The following CSMD2 variants were observed in gnomAD, a reference collection of about 807,000 sequenced individuals.
CSMD2 encodes the protein CUB and sushi domain-containing protein 2.
In CSMD2, 130 loss-of-function variants were observed where a neutral mutation model predicts 398.5. The ratio of observed to expected loss-of-function variants is 0.33; its 90% CI spans 0.28 to 0.38. CSMD2 has a LOEUF of 0.38. Ranked by LOEUF, CSMD2 falls within the 10% of genes least tolerant of loss-of-function variation. The probability of loss-of-function intolerance (pLI) is 1.00; values close to 1 mark genes in which losing one functional copy is unlikely to be tolerated. For missense variants in CSMD2, 3,829 were observed against 4,764.9 expected (o/e 0.80, Z 5.78); for synonymous variants, 1,828 against 1,908.5 (o/e 0.96, Z 1.10).
At chr1:33,528,235 C>T (rs1654955928) in intron 64 of CSMD2, among the ~76,000 whole-genome samples, 1 of 152,228 alleles carries the variant, frequency 6.6e-6, no homozygotes, top group South Asian at 2.1e-4. Flanking sequence ...GTCTTTGCCT[C>T]CTCATTTGAA....
intron 1 of CSMD2, among the ~76,000 whole-genome samples, chr1:34,128,052 C>G (rs1212815890): frequency 6.6e-6 from 1 of 152,154 alleles, no homozygotes; most frequent in Non-Finnish European, 1.5e-5. Context: ...GGGAAGTGGC[C>G]TCTTCCTCCA....
chr1:33,609,484 G>A lies in CSMD2; in HGVS notation c.6343+1557C>T, dbSNP rs536378840. ...TACATATTTTTCACAGGTACATGTA[G>A]CATACATATATCCAGGCCTGGAAAG... On this transcript the variant is annotated intron_variant, in intron 41 of 70. Transcript: ENST00000373381. 2.8e-4 allele frequency among the ~76,000 whole-genome samples: 43 copies of A among 152,292 alleles called. No homozygotes were observed. In the South Asian group the frequency reaches 8.9e-3, roughly 32 times the overall value.
At chr1:33,833,363 A>G (rs1252945621) in intron 6 of CSMD2, among the ~76,000 whole-genome samples, 9 of 147,604 alleles carry the variant, frequency 6.1e-5, no homozygotes, top group Non-Finnish European at 1.3e-4. Context: ...AAATCAATAA[A>G]TGTAATCCAG....
At chr1:33,744,978 GA>G (rs1214537064) in intron 13 of CSMD2, among the ~76,000 whole-genome samples, 1 of 152,068 alleles carries the variant, frequency 6.6e-6, no homozygotes, top group African/African-American at 2.4e-5. Flanking sequence ...TAATTCAAAA[GA>G]AAAAGAGCCA....
chr1:33,986,341 G>C (rs1454592299), intron 3 of CSMD2, among the ~76,000 whole-genome samples: 5 of 152,102 alleles, frequency 3.3e-5, no homozygotes, highest in Non-Finnish European at 7.4e-5. Context: ...TCCCTCCTTG[G>C]GTAGGCAGGG....
chr1:33,772,737 T>C lies in CSMD2; in HGVS notation c.1678A>G (p.Ser560Gly). 6.2e-7 allele frequency: 1 copy of C among 1,611,460 alleles called. No homozygotes were observed. The highest frequency in any genetic ancestry group is 8.5e-7 in the Non-Finnish European group (1 of 1,177,828). ...GCAGGTATGCCAGGGTCACCGCAAC[T>C]GCCCTGCTCGATCTCTGAAAGACAG... ...KASYEEIEQG[S>G]CGDPGIPAYG... The change falls in exon 13 of 71, where the codon AGT (serine) becomes GGT (glycine). Residue 560 changes from serine to glycine, a missense_variant. Ser to Gly is a moderately conservative substitution (Grantham distance 56). Coordinates refer to ENST00000373381, the MANE Select transcript of CSMD2 (RefSeq NM_001281956.2).
intron 3 of CSMD2, among the ~76,000 whole-genome samples, chr1:33,963,250 G>A (rs1192875243): frequency 6.6e-6 from 1 of 152,130 alleles, no homozygotes; most frequent in East Asian, 1.9e-4. Context: ...CTGCTCTTCT[G>A]CACCTTGACA....
At chr1:33,900,731 G>C (rs1172217552) in intron 5 of CSMD2, among the ~76,000 whole-genome samples, 1 of 150,840 alleles carries the variant, frequency 6.6e-6, no homozygotes, top group African/African-American at 2.4e-5. Flanking sequence ...AGTGAGCTGA[G>C]ATCATGCCAT....
At chr1:34,139,807 ATTG>A (rs1388211644) in intron 1 of CSMD2, among the ~76,000 whole-genome samples, 1 of 152,164 alleles carries the variant, frequency 6.6e-6, no homozygotes, top group Admixed American at 6.5e-5. Flanking sequence ...CATCTTATTC[ATTG>A]TTGTTGTTGT....
chr1:34,149,683 G>A (rs1486152739), intron 1 of CSMD2, among the ~76,000 whole-genome samples: 2 of 152,190 alleles, frequency 1.3e-5, no homozygotes, highest in African/African-American at 4.8e-5. Flanking sequence ...CGTGCCTTTG[G>A]GGCTGGTGCC....
chr1:34,151,986 G>A (rs1396444518), intron 1 of CSMD2, among the ~76,000 whole-genome samples: 1 of 152,098 alleles, frequency 6.6e-6, no homozygotes, highest in Non-Finnish European at 1.5e-5. Context: ...AGGACTACAG[G>A]CACATGCCAC....
Position 34,164,809 on chromosome 1 carries a change from T to C in CSMD2, c.187+102A>G, listed in dbSNP as rs939758785. The C allele has an allele frequency of 3.1e-6, 3 of 974,140 alleles. No individual in the cohort carries two copies. Among genetic ancestry groups the C allele is most frequent in the Admixed American group, 6.5e-5 (1 of 15,360 alleles). 60.3% of individuals were successfully genotyped at this position (974,140 alleles called of 1,614,324 possible). A position where few individuals can be genotyped will look rare whatever the true frequency, so the allele number is the denominator to read the frequency against. On this transcript the variant is annotated intron_variant, in intron 1 of 70. Transcript: ENST00000373381. The surrounding 1 kb of genome is among the most constrained non-coding windows in gnomAD (Gnocchi z 6.2). ...GGAGGGTGGGAGATTCAGGCAGGGA[T>C]AGAGGCGGGGGGAGGGACTGGGACC...
chr1:34,165,690 T>G (rs1051347653), upstream of CSMD2: 15 of 1,549,368 alleles, frequency 9.7e-6, no homozygotes, highest in Middle Eastern at 1.7e-4. Flanking sequence ...GAAATTGGAA[T>G]CCTGTCTGGG....
At chr1:33,573,831 C>CACT (rs200345053) in intron 49 of CSMD2, among the ~76,000 whole-genome samples, 1 of 152,230 alleles carries the variant, frequency 6.6e-6, no homozygotes, top group Admixed American at 6.5e-5. Flanking sequence ...CAAAGAGAAT[C>CACT]CCTCTTAGAT....
chr1:34,147,814 C>A (rs940910488), intron 1 of CSMD2, among the ~76,000 whole-genome samples: 9 of 152,160 alleles, frequency 5.9e-5, no homozygotes, highest in Admixed American at 2.6e-4. Flanking sequence ...GTGTCCTCAG[C>A]GCTTCCCTGC....
intron 4 of CSMD2, among the ~76,000 whole-genome samples, chr1:33,924,986 G>A (rs537739142): frequency 5.3e-5 from 8 of 151,976 alleles, no homozygotes; most frequent in Admixed American, 1.3e-4. Flanking sequence ...ATATTTTCTC[G>A]TCTTTAACAG....
chr1:33,887,251 A>AG (rs1641663203), intron 5 of CSMD2, among the ~76,000 whole-genome samples: 1 of 151,766 alleles, frequency 6.6e-6, no homozygotes, highest in South Asian at 2.1e-4. Flanking sequence ...ATTCAGAAAA[A>AG]AAAAAGCTTT....
chr1:33,673,245 C>T (rs1332917752), intron 25 of CSMD2, among the ~76,000 whole-genome samples: 2 of 152,142 alleles, frequency 1.3e-5, no homozygotes, highest in Non-Finnish European at 2.9e-5. Context: ...ACTAGAATAA[C>T]CAATTCAGAG....
In CSMD2 at chr1:33,836,009, CT is replaced by C. The variant is rs1310465220; in HGVS notation, c.1034-10236del. Among the ~76,000 whole-genome samples, 3 of 152,310 alleles carry C rather than the reference CT, an allele frequency of 2.0e-5. No individual in the cohort carries two copies. In the East Asian group the frequency reaches 5.8e-4, roughly 29 times the overall value. On this transcript the variant is annotated intron_variant, in intron 6 of 70. Transcript: ENST00000373381. ...CTTTGTGGTTTTATCTACCTTTGGT[CT>C]TTGATGATGGTGACATACAGATGGG... is the stretch of plus-strand genomic sequence containing the variant.
Sources: allele counts gnomAD v4.1 joint callset (sites outside exome capture counted in the v4.1 genomes callset), GRCh38; gene constraint gnomAD v4.1.1; non-coding constraint Gnocchi (gnomAD v3.1); transcripts MANE v1.5; gene names NCBI Gene and HGNC (gene_info 2026-07-23, HGNC 2026-07-21).